FANCD2OS: variants seen among roughly 807,000 people sequenced by gnomAD.
FANCD2OS encodes FANCD2 opposite strand.
In FANCD2OS, 11 loss-of-function variants were observed where a neutral mutation model predicts 13.2. The observed-to-expected ratio is 0.83, with a 90% CI of 0.52 to 1.38. The LOEUF is 1.38. Ranked by LOEUF, FANCD2OS falls within the 40% of genes most tolerant of loss-of-function variation. FANCD2OS has a pLI of 0.00. For synonymous variants in FANCD2OS, 69 were observed against 84.5 expected (o/e 0.82, Z 1.01); for missense variants, 217 against 213.9 (o/e 1.01, Z -0.09).
intron 2 of FANCD2OS, among the ~76,000 whole-genome samples, chr3:10,089,820 A>T (rs962468976): frequency 2.0e-5 from 3 of 152,186 alleles, no homozygotes; most frequent in Non-Finnish European, 4.4e-5. Flanking sequence ...GTCTCACTTA[A>T]TGGGTGTGTG....
At position 10,104,266 on chromosome 3, in the gene FANCD2OS, G is replaced by T; in HGVS notation, c.509C>A (p.Thr170Asn). Residue 170 changes from threonine to asparagine, a missense_variant, in exon 2 of 2, where the codon ACC becomes AAC. Coordinates refer to ENST00000450660, the MANE Select transcript of FANCD2OS (RefSeq NM_001164839.2). ...TTACTTGGAGTGCTGCAAGGCAAAG[G>T]TGCACTTTTTGTAAGTTGCATACAG... The part of the protein sequence containing the change: ...LLLYATYKKC[T>N]FALQHSK 6.2e-7 allele frequency: 1 copy of T among 1,612,096 alleles called. No homozygotes were observed. The highest frequency in any genetic ancestry group is 8.5e-7 in the Non-Finnish European group (1 of 1,178,910).
chr3:10,103,956 C>T lies in FANCD2OS; in HGVS notation c.*285G>A, dbSNP rs1003187853. 4.8e-5 allele frequency: 18 copies of T among 376,028 alleles called. No homozygotes were observed. Among genetic ancestry groups the T allele is most frequent in the African/African-American group, 3.1e-4 (15 of 48,686 alleles). 23.3% of individuals were successfully genotyped at this position (376,028 alleles called of 1,614,324 possible). A position where few individuals can be genotyped will look rare whatever the true frequency, so the allele number is the denominator to read the frequency against. Reference sequence around the variant, plus strand: ...TGTTTATGTGAGTTCACACTAGGCTCATTGGTTTATATCATTTGTTTAACG... The same window carrying T: ...TGTTTATGTGAGTTCACACTAGGCTTATTGGTTTATATCATTTGTTTAACG... On this transcript the variant is annotated 3_prime_UTR_variant, in exon 2 of 2. Coordinates refer to ENST00000450660, the MANE Select transcript of FANCD2OS (RefSeq NM_001164839.2).
chr3:10,099,993 C>T (rs1695207313), downstream of FANCD2OS, among the ~76,000 whole-genome samples: 2 of 151,728 alleles, frequency 1.3e-5, no homozygotes, highest in African/African-American at 4.8e-5. Context: ...CCCAGAATTT[C>T]AAGACCAACC....
intron 2 of FANCD2OS, among the ~76,000 whole-genome samples, chr3:10,087,540 T>A (rs1009469642): frequency 4.7e-5 from 7 of 149,590 alleles, no homozygotes; most frequent in South Asian, 4.2e-4. Context: ...AAAAAAAAAA[T>A]TTATCTGAGA....
intron 2 of FANCD2OS, chr3:10,096,538 T>A (rs1694977957): frequency 1.3e-6 from 2 of 1,502,220 alleles, no homozygotes; most frequent in Non-Finnish European, 1.9e-6. Flanking sequence ...TCAGATGGCA[T>A]GTAAGGAAGG....
chr3:10,091,374 C>T (rs915179853), intron 2 of FANCD2OS, among the ~76,000 whole-genome samples: 1 of 150,404 alleles, frequency 6.6e-6, no homozygotes, highest in Non-Finnish European at 1.5e-5. Context: ...AACCACTGCA[C>T]CTGGCATAAA....
chr3:10,102,751 G>A (rs1339057458), downstream of FANCD2OS, among the ~76,000 whole-genome samples: 1 of 150,806 alleles, frequency 6.6e-6, no homozygotes, highest in African/African-American at 2.4e-5. Flanking sequence ...GCTGAGGCAG[G>A]AGAATGGTGT....
At chr3:10,105,898 G>T (rs1448733364) in intron 1 of FANCD2OS, among the ~76,000 whole-genome samples, 2 of 144,686 alleles carry the variant, frequency 1.4e-5, no homozygotes, top group Non-Finnish European at 3.0e-5. Flanking sequence ...GCACATTTTT[G>T]GGCCCCACCT....
At chr3:10,098,804 A>G (rs1307220527), downstream of FANCD2OS, 8 of 1,614,108 alleles carry the variant, frequency 5.0e-6, no homozygotes, top group Non-Finnish European at 6.8e-6. Flanking sequence ...CTCCAAGAGC[A>G]AAGCCACTGA....
At chr3:10,101,731 A>G (rs142460044), downstream of FANCD2OS, 35 of 249,772 alleles carry the variant, frequency 1.4e-4, no homozygotes, top group East Asian at 1.9e-3. Context: ...GACATCATGG[A>G]TTGTCTAACA....
rs769147120 is a variant in FANCD2OS, at chr3:10,085,838, A to G, written c.*44-4307T>C. 12 of 1,613,614 alleles carry G rather than the reference A, an allele frequency of 7.4e-6. No homozygotes were observed. In the South Asian group the frequency reaches 1.3e-4, roughly 18 times the overall value. On this transcript the variant is annotated intron_variant, in intron 2 of 2. Transcript: ENST00000524279. ...AGTGGATTTTCTCAACCTGAAAATC[A>G]GAATTTACTGTATTCAGCCCTCCAT...
chr3:10,093,732 T>C (rs188367142), intron 2 of FANCD2OS, among the ~76,000 whole-genome samples: 1 of 152,304 alleles, frequency 6.6e-6, no homozygotes, highest in Admixed American at 6.5e-5. Flanking sequence ...GAATAGCCTG[T>C]ATTAGCCCTA....
At chr3:10,103,446 G>A (rs893542158), downstream of FANCD2OS, among the ~76,000 whole-genome samples, 4 of 151,974 alleles carry the variant, frequency 2.6e-5, no homozygotes, top group Admixed American at 6.6e-5. Context: ...ATGGTGGCCC[G>A]CACCTGTAGT....
chr3:10,103,764 G>GCAC (rs1695391228), downstream of FANCD2OS, among the ~76,000 whole-genome samples: 1 of 152,134 alleles, frequency 6.6e-6, no homozygotes, highest in Non-Finnish European at 1.5e-5. Context: ...TGGTATTAGG[G>GCAC]TGTGGTTGGT....
At chr3:10,100,359 G>C (rs1344236386), downstream of FANCD2OS, among the ~76,000 whole-genome samples, 1 of 152,148 alleles carries the variant, frequency 6.6e-6, no homozygotes, top group Admixed American at 6.5e-5. Context: ...CTGGATTCCT[G>C]TTGAGATACA....
chr3:10,092,159 C>T (rs765738706), intron 2 of FANCD2OS: 10 of 1,574,284 alleles, frequency 6.4e-6, no homozygotes, highest in East Asian at 4.5e-5. Context: ...CTCAGAGGTG[C>T]CCATATATTT....
downstream of FANCD2OS, among the ~76,000 whole-genome samples, chr3:10,098,387 A>T (rs1242384972): frequency 6.6e-6 from 1 of 152,140 alleles, no homozygotes; most frequent in Non-Finnish European, 1.5e-5. Flanking sequence ...TAGTGCTTAG[A>T]TACCTTAAGG....
rs377626796 is a variant in FANCD2OS at position 10,094,291 on chromosome 3, T to C, written c.*43+9907A>G. The C allele has an allele frequency of 3.7e-6, 6 of 1,613,828 alleles. No individual in the cohort carries two copies. In the Admixed American group the frequency reaches 1.0e-4, roughly 27 times the overall value. ...AACAGTGTGTCTCTCTTCTTCAGTA[T>C]GGGCGTCTCTTTGTGGAAGCATTTC... On this transcript the variant is annotated intron_variant, in intron 2 of 2. Transcript: ENST00000524279.
Position 10,104,165 on chromosome 3 carries a change from A to C in FANCD2OS, c.*76T>G. 7.6e-7 allele frequency: 1 copy of C among 1,320,660 alleles called. No individual in the cohort carries two copies. The highest frequency in any genetic ancestry group is 1.5e-5 in the South Asian group (1 of 66,554). The allele number at this position is 1,320,660 out of a possible 1,614,324, so 81.8% of individuals were successfully genotyped here. ...GGGACAATGTCACAGTTTCATTTAC[A>C]TGGACAGGTTTCTGTAAGCTTTAGG... On this transcript the variant is annotated 3_prime_UTR_variant, in exon 2 of 2. Transcript: ENST00000450660.
Sources: allele counts gnomAD v4.1 joint callset (sites outside exome capture counted in the v4.1 genomes callset), GRCh38; gene constraint gnomAD v4.1.1; transcripts MANE v1.5; gene names NCBI Gene and HGNC (gene_info 2026-07-23, HGNC 2026-07-21).